The following TRIM47 variants were observed in gnomAD, a reference collection of about 807,000 sequenced individuals.
The protein encoded by TRIM47 is tripartite motif containing 47.
Under a neutral mutation model 54.4 loss-of-function variants are expected in TRIM47, and 46 were observed. That is an observed-to-expected ratio of 0.84 (90% CI 0.67 to 1.08). The LOEUF is 1.08. TRIM47 is among the 50% of genes least tolerant of loss of function. The pLI, the probability that TRIM47 is intolerant of heterozygous loss-of-function variation, is 0.00. For missense variants in TRIM47, 825 were observed against 910.1 expected (o/e 0.91, Z 1.20); for synonymous variants, 392 against 410.2 (o/e 0.96, Z 0.54).
rs1293925414 is a variant in TRIM47 at position 75,875,203 on chromosome 17, C to T, written c.1277-80G>A. On this transcript the variant is annotated intron_variant, in intron 5 of 5. Transcript: ENST00000254816. The surrounding 1 kb of genome is among the most constrained non-coding windows in gnomAD (Gnocchi z 6.1). ...CGGCCCCTCCCCAAGTACCCACCCC[C>T]CCAAAACACAGCCTCTCCCCTGCTT... 6.6e-7 allele frequency: 1 copy of T among 1,504,328 alleles called. No individual in the cohort carries two copies. The highest frequency in any genetic ancestry group is 8.9e-7 in the Non-Finnish European group (1 of 1,123,060). The allele number at this position is 1,504,328 out of a possible 1,614,324, so 93.2% of individuals were successfully genotyped here. A position where few individuals can be genotyped will look rare whatever the true frequency, so the allele number is the denominator to read the frequency against.
rs141224201 is a variant in TRIM47, at chr17:75,875,997, C to T, written c.1105G>A (p.Val369Met). The T allele has an allele frequency of 7.5e-5, 120 of 1,606,748 alleles. No individual in the cohort carries two copies. The highest frequency in any genetic ancestry group is 9.5e-5 in the Non-Finnish European group (112 of 1,180,002). ...FTKSSQAVRA[V>M]RDMLAVACVN... The stretch of plus-strand genomic sequence containing the variant: ...CAGGCCACGGCCAGCATGTCTCTCA[C>T]TGCACGGACAGCTTGGGATGATTTG... The change falls in exon 4 of 6, where the codon GTG (valine) becomes ATG (methionine). Residue 369 changes from valine to methionine, a missense_variant. By Grantham distance (21) the Val-to-Met change is conservative (BLOSUM62 1). Transcript: ENST00000254816. This position sits in a 1 kb window ranked among gnomAD's most constrained non-coding sequence, Gnocchi z 6.1.
chr17:75,876,606 C>T, intron 2 of TRIM47, 112 bp downstream of exon 2: 6 of 1,514,002 alleles, frequency 4.0e-6, no homozygotes, highest in South Asian at 2.5e-5. Flanking sequence ...ACAGAGGGGC[C>T]AGACTGAGCC....
rs770445702 is a variant in TRIM47, at chr17:75,875,098, G to A, written c.1302C>T (p.Ser434=). The A allele has an allele frequency of 1.5e-5, 24 of 1,602,756 alleles. No individual in the cohort carries two copies. Among genetic ancestry groups the A allele is most frequent in the African/African-American group, 1.3e-4 (10 of 74,698 alleles). ...GCTGCAGGAACTTGTCTGCTGTGTC[G>A]CTGTCCAAATCCACAATATAGGCAA... ...LKFAYIVDLD[S]DTADKFLQLF... Residue 434 remains serine, a synonymous_variant, in exon 6 of 6, where the codon AGC becomes AGT. Coordinates refer to ENST00000254816, the MANE Select transcript of TRIM47 (RefSeq NM_033452.3). This position sits in a 1 kb window ranked among gnomAD's most constrained non-coding sequence, Gnocchi z 6.1.
rs1233708328 is a variant in TRIM47 at position 75,874,652 on chromosome 17, C to A, written c.1748G>T (p.Gly583Val). The change falls in exon 6 of 6, where the codon GGT (glycine) becomes GTT (valine). Residue 583 changes from glycine (G) to valine (V), a missense_variant. Transcript: ENST00000254816. This position sits in a 1 kb window ranked among gnomAD's most constrained non-coding sequence, Gnocchi z 6.2. ...RRLKASRPRR[G>V]GIPASPIDPF... ...GTCAATGGGGGAGGCCGGGATGCCACCCCGGCGGGGCCGGGAGGCCTTCAG... is the reference window on the plus strand; with the variant it reads ...GTCAATGGGGGAGGCCGGGATGCCAACCCGGCGGGGCCGGGAGGCCTTCAG... 5 of 1,592,978 alleles carry A rather than the reference C, an allele frequency of 3.1e-6. No individual in the cohort carries two copies. The highest frequency in any genetic ancestry group is 4.3e-6 in the Non-Finnish European group (5 of 1,167,728).
At position 75,878,087 on chromosome 17, in the gene TRIM47, C is replaced by A; in HGVS notation, c.462G>T (p.Ala154=). 7.5e-7 allele frequency: 1 copy of A among 1,333,292 alleles called. No homozygotes were observed. Among genetic ancestry groups the A allele is most frequent in the Admixed American group, 3.9e-5 (1 of 25,706 alleles). The allele number at this position is 1,333,292 out of a possible 1,614,324, so 82.6% of individuals were successfully genotyped here. Residue 154 remains alanine (A), a synonymous_variant, in exon 1 of 6, where the codon GCG becomes GCT. Coordinates refer to ENST00000254816, the MANE Select transcript of TRIM47 (RefSeq NM_033452.3). ...GGCTGCGCTCGTGCGGGCCCAGGTG[C>A]GCGGGGCAAAAGGAGGCGAGGCAGG... ...CLSCLASFCP[A]HLGPHERSPA...
chr17:75,876,135 C>A, intron 3 of TRIM47, 36 bp from the exon 4 acceptor site: 1 of 1,591,186 alleles, frequency 6.3e-7, no homozygotes, highest in Non-Finnish European at 8.5e-7. Context: ...GTGCTGCTGG[C>A]CATGGCTCCT....
At chr17:75,876,947 C>A in intron 1 of TRIM47, 134 bp from the exon 2 acceptor site, 1 of 790,704 alleles carries the variant, frequency 1.3e-6, no homozygotes, top group Admixed American at 2.5e-5. Flanking sequence ...ACTGGAGTGG[C>A]CACGATGTCC....
In TRIM47 at chr17:75,876,040, C is replaced by CG. The variant is rs1316079718; in HGVS notation, c.1061dup (p.Arg355GlufsTer48). 6.2e-7 allele frequency: 1 copy of CG among 1,602,956 alleles called. No individual in the cohort carries two copies. The highest frequency in any genetic ancestry group is 1.3e-5 in the African/African-American group (1 of 74,944). ...ATGATTTGGTGAAGCTGAGCTCCCT[C>CG]GGGGGTCCAGGCCCAGGGCCACACC... On this transcript the variant is annotated frameshift_variant, in exon 4 of 6. Coordinates refer to ENST00000254816, the MANE Select transcript of TRIM47 (RefSeq NM_033452.3). LOFTEE classifies it high-confidence loss of function.
Position 75,874,658 on chromosome 17 carries a change from CG to C in TRIM47, c.1741del (p.Arg581AlafsTer55). On this transcript the variant is annotated frameshift_variant, in exon 6 of 6. Coordinates refer to ENST00000254816, the MANE Select transcript of TRIM47 (RefSeq NM_033452.3). LOFTEE classifies it high-confidence loss of function. The surrounding 1 kb of genome is among the most constrained non-coding windows in gnomAD (Gnocchi z 6.2). The part of the protein sequence containing the change: ...LLRRLKASRP[R>X]RGGIPASPID... ...GGGGGAGGCCGGGATGCCACCCCGG[CG>C]GGGCCGGGAGGCCTTCAGCCTCCGC... 1 of 1,593,818 alleles carries C rather than the reference CG, an allele frequency of 6.3e-7. No homozygotes were observed. The highest frequency in any genetic ancestry group is 8.6e-7 in the Non-Finnish European group (1 of 1,168,232).
At chr17:75,876,647 C>T in intron 2 of TRIM47, 71 bp downstream of exon 2, 2 of 1,581,478 alleles carry the variant, frequency 1.3e-6, no homozygotes, top group Non-Finnish European at 1.7e-6. Flanking sequence ...TCAGGGGACA[C>T]TTGTGCTCAG....
At position 75,876,076 on chromosome 17, in the gene TRIM47, G is replaced by A. The variant is rs1182572156; in HGVS notation, c.1026C>T (p.Ala342=). ...GCCCAGGGCCACACCCATCCTCCAG[G>A]GCCAGCCTTAGTGCCAGCAGCTCCT... is the stretch of plus-strand genomic sequence containing the variant. ...FLQELLALRL[A]LEDGCGPGPG... is the part of the protein sequence containing the mutation. The change falls in exon 4 of 6, where the codon GCC becomes GCT. Residue 342 remains alanine, a synonymous_variant. Coordinates refer to ENST00000254816, the MANE Select transcript of TRIM47 (RefSeq NM_033452.3). The A allele has an allele frequency of 3.1e-6, 5 of 1,601,274 alleles. No homozygotes were observed. The East Asian group carries it at 1.1e-4, about 36-fold the overall frequency.
rs2065126289 is a variant in TRIM47, at chr17:75,875,210, C to T, written c.1277-87G>A. ...TCCCCAAGTACCCACCCCCCCAAAA[C>T]ACAGCCTCTCCCCTGCTTTCCAACC... On this transcript the variant is annotated intron_variant, in intron 5 of 5. Coordinates refer to ENST00000254816, the MANE Select transcript of TRIM47 (RefSeq NM_033452.3). The surrounding 1 kb of genome is among the most constrained non-coding windows in gnomAD (Gnocchi z 6.1). 1 of 1,219,460 alleles carries T rather than the reference C, an allele frequency of 8.2e-7. No individual in the cohort carries two copies. Among genetic ancestry groups the T allele is most frequent in the Non-Finnish European group, 1.1e-6 (1 of 927,408 alleles). 75.5% of individuals were successfully genotyped at this position (1,219,460 alleles called of 1,614,324 possible). A position where few individuals can be genotyped will look rare whatever the true frequency, so the allele number is the denominator to read the frequency against.
rs769399322 is a variant in TRIM47 at position 75,874,965 on chromosome 17, G to A, written c.1435C>T (p.Arg479Ter). Reference protein sequence around the residue: ...EQVLGEGALDRGTYYWEVEII... With the variant: ...EQVLGEGALD Reference sequence around the variant, plus strand: ...TCCACCTCCCAGTAGTAGGTGCCTCGGTCCAGGGCACCCTCGCCCAGCACC... The same window carrying A: ...TCCACCTCCCAGTAGTAGGTGCCTCAGTCCAGGGCACCCTCGCCCAGCACC... The change falls in exon 6 of 6, where the codon CGA becomes TGA. Residue 479 changes from arginine (R) to a stop codon, truncating the protein, a stop_gained. Coordinates refer to ENST00000254816, the MANE Select transcript of TRIM47 (RefSeq NM_033452.3). LOFTEE classifies it high-confidence loss of function. The surrounding 1 kb of genome is among the most constrained non-coding windows in gnomAD (Gnocchi z 6.2). The A allele has an allele frequency of 3.1e-6, 5 of 1,613,966 alleles. No individual in the cohort carries two copies. The highest frequency in any genetic ancestry group is 1.3e-5 in the African/African-American group (1 of 74,890).
rs778048554 is a variant in TRIM47, at chr17:75,876,396, C to T, written c.868G>A (p.Glu290Lys). ...GFQTQVLGFIEEGEAAMLGRS... is the reference protein window; with the variant it reads ...GFQTQVLGFIKEGEAAMLGRS... ...CCTAGCATGGCAGCTTCCCCCTCCT[C>T]GATGAAGCCCAGCACCTGGGTCTGG... Residue 290 changes from glutamate (E) to lysine (K), a missense_variant, in exon 3 of 6, where the codon GAG becomes AAG. Transcript: ENST00000254816. The T allele has an allele frequency of 5.0e-6, 8 of 1,612,364 alleles. No homozygotes were observed. The highest frequency in any genetic ancestry group is 1.7e-4 in the Middle Eastern group (1 of 6,060).
Position 75,875,612 on chromosome 17 carries a change from G to T in TRIM47, c.1202-138C>A. 2 of 805,140 alleles carry T rather than the reference G, an allele frequency of 2.5e-6. No homozygotes were observed. The highest frequency in any genetic ancestry group is 4.2e-6 in the Non-Finnish European group (2 of 479,930). The allele number at this position is 805,140 out of a possible 1,614,324, so 49.9% of individuals were successfully genotyped here. A position where few individuals can be genotyped will look rare whatever the true frequency, so the allele number is the denominator to read the frequency against. On this transcript the variant is annotated intron_variant, in intron 4 of 5. Transcript: ENST00000254816. The surrounding 1 kb of genome is among the most constrained non-coding windows in gnomAD (Gnocchi z 6.1). ...AAGCACCACCCAGATGTGGCACGCTGTGCTCACACACATGCCCGTTGCCTG... is the reference window on the plus strand; with the variant it reads ...AAGCACCACCCAGATGTGGCACGCTTTGCTCACACACATGCCCGTTGCCTG...
chr17:75,875,635 C>T lies in TRIM47; in HGVS notation c.1202-161G>A. On this transcript the variant is annotated intron_variant, in intron 4 of 5. Coordinates refer to ENST00000254816, the MANE Select transcript of TRIM47 (RefSeq NM_033452.3). The surrounding 1 kb of genome is among the most constrained non-coding windows in gnomAD (Gnocchi z 6.1). ...CTGTGCTCACACACATGCCCGTTGC[C>T]TGTGTTCTGCCTCTTGCCCCATGTG... The T allele has an allele frequency of 1.3e-6, 1 of 743,874 alleles. No individual in the cohort carries two copies. 46.1% of individuals were successfully genotyped at this position (743,874 alleles called of 1,614,324 possible). A position where few individuals can be genotyped will look rare whatever the true frequency, so the allele number is the denominator to read the frequency against.
chr17:75,877,692 T>C, intron 1 of TRIM47, 182 bp downstream of exon 1: 1 of 1,234,896 alleles, frequency 8.1e-7, no homozygotes, highest in Non-Finnish European at 1.0e-6. Context: ...CTTCCTCCCT[T>C]CCCATCTCCA....
chr17:75,875,459 T>G lies in TRIM47; in HGVS notation c.1217A>C (p.Gln406Pro). Reference protein sequence around the residue: ...KLDSEADAEPQDLESTNLLES... With the variant: ...KLDSEADAEPPDLESTNLLES... The stretch of plus-strand genomic sequence containing the variant: ...CAAGAGGTTCGTACTCTCGAGGTCT[T>G]GGGGCTCAGCATCAGCTGTAGAAGA... Residue 406 changes from glutamine (Q) to proline (P), a missense_variant, in exon 5 of 6, where the codon CAA becomes CCA. Gln to Pro is a moderately conservative substitution (Grantham distance 76). Transcript: ENST00000254816. The surrounding 1 kb of genome is among the most constrained non-coding windows in gnomAD (Gnocchi z 6.1). 6.2e-7 allele frequency: 1 copy of G among 1,614,078 alleles called. No homozygotes were observed. The highest frequency in any genetic ancestry group is 1.3e-5 in the African/African-American group (1 of 75,032).
At position 75,875,448 on chromosome 17, in the gene TRIM47, T is replaced by A. The variant is rs755052410; in HGVS notation, c.1228A>T (p.Ser410Cys). ...GCTTCACTCTCCAAGAGGTTCGTAC[T>A]CTCGAGGTCTTGGGGCTCAGCATCA... is the stretch of plus-strand genomic sequence containing the variant. ...EADAEPQDLE[S>C]TNLLESEAPR... The change falls in exon 5 of 6, where the codon AGT becomes TGT. Residue 410 changes from serine (S) to cysteine (C), a missense_variant. Coordinates refer to ENST00000254816, the MANE Select transcript of TRIM47 (RefSeq NM_033452.3). The surrounding 1 kb of genome is among the most constrained non-coding windows in gnomAD (Gnocchi z 6.1). 3.7e-6 allele frequency: 6 copies of A among 1,614,012 alleles called. No homozygotes were observed. In the South Asian group the frequency reaches 6.6e-5, roughly 18 times the overall value.
Sources: gnomAD v4.1 joint callset for allele counts on GRCh38, gnomAD v4.1.1 for gene constraint, Gnocchi (gnomAD v3.1) non-coding constraint, MANE v1.5 for transcripts, NCBI Gene and HGNC (gene_info 2026-07-23, HGNC 2026-07-21) for gene names.